The following ANGPT4 variants were observed in gnomAD, a reference collection of about 807,000 sequenced individuals.
ANGPT4 encodes the protein angiopoietin-4.
Under a neutral mutation model 53.0 loss-of-function variants are expected in ANGPT4, and 50 were observed. That is an observed-to-expected ratio of 0.94 (90% CI 0.75 to 1.20). The LOEUF (loss-of-function observed/expected upper bound fraction) is 1.20, where lower values mean the gene tolerates loss of function less well. Among genes scored for constraint, ANGPT4 ranks in the 50% most tolerant of loss-of-function variants. The pLI, the probability that ANGPT4 is intolerant of heterozygous loss-of-function variation, is 0.00. For synonymous variants in ANGPT4, 251 were observed against 259.7 expected, an observed-to-expected ratio of 0.97 and a Z score of 0.32; for missense variants, 648 against 637.1, an observed-to-expected ratio of 1.02 and a Z score of -0.18.
At chr20:913,063 A>G (rs376928983) in intron 1 of ANGPT4, among the ~76,000 whole-genome samples, 4 of 152,060 alleles carry the variant, frequency 2.6e-5, no homozygotes, top group African/African-American at 9.7e-5. Context: ...GACAGGAAGG[A>G]TCTCCCCTGT....
chr20:886,776 G>A (rs1022336564), intron 3 of ANGPT4, among the ~76,000 whole-genome samples: 12 of 152,164 alleles, frequency 7.9e-5, no homozygotes, highest in South Asian at 2.1e-4. Flanking sequence ...CTCAAAGTAC[G>A]GTTTCTACTG....
intron 1 of ANGPT4, among the ~76,000 whole-genome samples, chr20:910,786 C>G (rs1390343365): frequency 6.6e-6 from 1 of 152,080 alleles, no homozygotes; most frequent in African/African-American, 2.4e-5. Flanking sequence ...TGGGGGAAGT[C>G]GTCAGGGGGT....
intron 3 of ANGPT4, 77 bp from the exon 4 acceptor site, chr20:885,402 G>C: frequency 1.4e-6 from 2 of 1,438,236 alleles, no homozygotes; most frequent in Non-Finnish European, 1.8e-6. Context: ...CCCCGGCCCT[G>C]GAGTCCCTGC....
At chr20:883,317 T>A (rs1010296761) in intron 4 of ANGPT4, among the ~76,000 whole-genome samples, 1 of 152,260 alleles carries the variant, frequency 6.6e-6, no homozygotes, top group Non-Finnish European at 1.5e-5. Flanking sequence ...TCGCTGCTTT[T>A]ATATCATGCA....
chr20:890,276 C>G lies in ANGPT4; in HGVS notation c.402G>C (p.Leu134=). The G allele has an allele frequency of 1.2e-6, 2 of 1,614,014 alleles. No individual in the cohort carries two copies. The highest frequency in any genetic ancestry group is 8.5e-7 in the Non-Finnish European group (1 of 1,179,994). ...TGGTCTGGTTCAGGAGGCTGGTGCC[C>G]AGCTCTAGCATGGGGGCCGTCTGAT... ...AQNQTAPMLE[L]GTSLLNQTTA... Residue 134 remains leucine (L), a synonymous_variant, in exon 2 of 9, where the codon CTG becomes CTC. Transcript: ENST00000381922.
At chr20:893,982 T>A (rs1382455082) in intron 1 of ANGPT4, among the ~76,000 whole-genome samples, 1 of 151,840 alleles carries the variant, frequency 6.6e-6, no homozygotes, top group Non-Finnish European at 1.5e-5. Context: ...GGAGATTCTT[T>A]TTTTTTTTTG....
chr20:870,483 T>G lies in ANGPT4; in HGVS notation c.*2477A>C, dbSNP rs1184003993. ...CAGAGATTGCAGTGATCTGAGATCATGCCACTGCACTCCAGCCTGGGTGAC... is the reference window on the plus strand; with the variant it reads ...CAGAGATTGCAGTGATCTGAGATCAGGCCACTGCACTCCAGCCTGGGTGAC... On this transcript the variant is annotated 3_prime_UTR_variant, in exon 9 of 9. Transcript: ENST00000381922. The G allele has an allele frequency of 6.6e-6, 1 of 152,220 alleles. No homozygotes were observed. The highest frequency in any genetic ancestry group is 2.4e-5 in the African/African-American group (1 of 41,430). The allele number at this position is 152,220 out of a possible 1,614,324, so 9.4% of individuals were successfully genotyped here.
chr20:904,252 C>T (rs540214794), intron 1 of ANGPT4, among the ~76,000 whole-genome samples: 5 of 152,172 alleles, frequency 3.3e-5, no homozygotes, highest in Non-Finnish European at 7.3e-5. Flanking sequence ...TCCAGAGAAA[C>T]GCTATGCATA....
intron 1 of ANGPT4, among the ~76,000 whole-genome samples, chr20:893,831 A>T (rs1981940091): frequency 6.6e-6 from 1 of 152,090 alleles, no homozygotes; most frequent in Non-Finnish European, 1.5e-5. Context: ...GCCACACTCA[A>T]CCCACTAGTA....
rs28394391 is a variant in ANGPT4 at position 872,733 on chromosome 20, G to A, written c.*227C>T. 4,041 of 558,628 alleles carry A rather than the reference G, an allele frequency of 7.2e-3. 100 individuals are homozygous for A. The highest frequency in any genetic ancestry group is 0.059 in the African/African-American group (3,154 of 53,040). The allele number at this position is 558,628 out of a possible 1,614,324, so 34.6% of individuals were successfully genotyped here. On this transcript the variant is annotated 3_prime_UTR_variant, in exon 9 of 9. Transcript: ENST00000381922. Reference sequence around the variant, plus strand: ...GAAGGGGGAGGGAGAGAAGAGGGGCGAGGACTACATCAGAGGGATGGGCCC... The same window carrying A: ...GAAGGGGGAGGGAGAGAAGAGGGGCAAGGACTACATCAGAGGGATGGGCCC...
intron 7 of ANGPT4, among the ~76,000 whole-genome samples, chr20:876,576 C>T (rs1981179761): frequency 6.6e-6 from 1 of 152,204 alleles, no homozygotes; most frequent in Non-Finnish European, 1.5e-5. Flanking sequence ...CTCATTCAGG[C>T]CTCATCACAC....
chr20:873,255 A>G, intron 8 of ANGPT4, 135 bp from the exon 9 acceptor site: 1 of 301,136 alleles, frequency 3.3e-6, no homozygotes, highest in Non-Finnish European at 6.7e-6. Context: ...CTGGCTGGGG[A>G]TGGGGCTGGG....
chr20:885,212 AGGGCGGC>A lies in ANGPT4; in HGVS notation c.694_700del (p.Ala232SerfsTer48). Reference sequence around the variant, plus strand: ...GCGCAGGCCGCGCTCGATGTTGGTGAGGGCGGCGCTCTGGCGGCTCAGCGTGTTCAGC... The same window carrying A: ...GCGCAGGCCGCGCTCGATGTTGGTGAGCTCTGGCGGCTCAGCGTGTTCAGC... On this transcript the variant is annotated frameshift_variant, in exon 4 of 9. Transcript: ENST00000381922. LOFTEE classifies it high-confidence loss of function. 6.3e-7 allele frequency: 1 copy of A among 1,596,220 alleles called. No homozygotes were observed. The highest frequency in any genetic ancestry group is 8.5e-7 in the Non-Finnish European group (1 of 1,171,308).
At chr20:906,232 A>G (rs901205287) in intron 1 of ANGPT4, among the ~76,000 whole-genome samples, 1 of 152,160 alleles carries the variant, frequency 6.6e-6, no homozygotes, top group Non-Finnish European at 1.5e-5. Flanking sequence ...GTAGGCCACT[A>G]TGGCCTGAGG....
intron 1 of ANGPT4, among the ~76,000 whole-genome samples, chr20:903,521 C>T (rs1233598517): frequency 6.6e-6 from 1 of 152,230 alleles, no homozygotes; most frequent in Admixed American, 6.5e-5. Context: ...CCAGTGACGT[C>T]CTGGTCAACC....
chr20:908,331 CT>C lies in ANGPT4; in HGVS notation c.309+7574del, dbSNP rs1392912934. Among the ~76,000 whole-genome samples the C allele has an allele frequency of 6.6e-6, 1 of 152,170 alleles. No homozygotes were observed. Among genetic ancestry groups the C allele is most frequent in the Admixed American group, 6.5e-5 (1 of 15,286 alleles). On this transcript the variant is annotated intron_variant, in intron 1 of 8. Coordinates refer to ENST00000381922, the MANE Select transcript of ANGPT4 (RefSeq NM_015985.4). This position sits in a 1 kb window ranked among gnomAD's most constrained non-coding sequence, Gnocchi z 4.9. ...TCTGCACTGTAGACACACTGAATGC[CT>C]TTTGCTTTTGGCCCATTCTACCCCC...
chr20:906,089 C>T (rs2122123721), intron 1 of ANGPT4, among the ~76,000 whole-genome samples: 1 of 152,258 alleles, frequency 6.6e-6, no homozygotes, highest in South Asian at 2.1e-4. Flanking sequence ...TGTGTAGTCC[C>T]CTCTCTCAAC....
At chr20:887,642 T>G (rs1160352915) in intron 3 of ANGPT4, among the ~76,000 whole-genome samples, 2 of 150,862 alleles carry the variant, frequency 1.3e-5, no homozygotes, top group African/African-American at 4.9e-5. Flanking sequence ...ACCGCTTTTT[T>G]TTTTTTTTTT....
At chr20:889,087 T>C (rs1318017839) in intron 2 of ANGPT4, among the ~76,000 whole-genome samples, 1 of 152,186 alleles carries the variant, frequency 6.6e-6, no homozygotes, top group African/African-American at 2.4e-5. Flanking sequence ...ATCCCTTGTC[T>C]GGAGCACTCT....
Sources: gnomAD v4.1 joint callset for allele counts (sites outside exome capture counted in the v4.1 genomes callset) on GRCh38, gnomAD v4.1.1 for gene constraint, Gnocchi (gnomAD v3.1) non-coding constraint, MANE v1.5 for transcripts, NCBI Gene and HGNC (gene_info 2026-07-23, HGNC 2026-07-21) for gene names.